FANCL: variants seen among roughly 807,000 people sequenced by gnomAD.
The protein encoded by FANCL is FA complementation group L.
A neutral mutation model predicts 59.4 loss-of-function variants in FANCL; 69 were observed. That is an observed-to-expected ratio of 1.16 (90% CI 0.96 to 1.42). FANCL has a LOEUF of 1.42. Among genes scored for constraint, FANCL ranks in the 40% most tolerant of loss-of-function variants. The pLI is 0.00. For missense variants in FANCL, 519 were observed against 447.2 expected (o/e 1.16, Z -1.45); for synonymous variants, 180 against 147.1 (o/e 1.22, Z -1.62).
At chr2:58,216,060 C>T (rs952395413) in intron 5 of FANCL, among the ~76,000 whole-genome samples, 1 of 152,032 alleles carries the variant, frequency 6.6e-6, no homozygotes, top group Admixed American at 6.6e-5. Context: ...AGAGCTTTGT[C>T]AAAAATGGAC....
At position 58,167,734 on chromosome 2, in the gene FANCL, C is replaced by A. The variant is rs75268528; in HGVS notation, c.541-1860G>T. On this transcript the variant is annotated intron_variant, in intron 7 of 13. Transcript: ENST00000233741. ...CCCTAAAAGCCATTATACGATTTTA[C>A]TAGCTAGCCATTTGAGGTAGATACA... Among the ~76,000 whole-genome samples, 84 of 152,266 alleles carry A rather than the reference C, an allele frequency of 5.5e-4. 1 individual carries two copies. In the East Asian group the frequency reaches 9.8e-3, roughly 18 times the overall value.
At chr2:58,214,634 C>A (rs560923151) in intron 5 of FANCL, among the ~76,000 whole-genome samples, 1 of 151,970 alleles carries the variant, frequency 6.6e-6, no homozygotes, top group African/African-American at 2.4e-5. Context: ...CTCAGCCTCC[C>A]GAGAAGCTAG....
intron 5 of FANCL, among the ~76,000 whole-genome samples, chr2:58,208,817 A>G (rs1419863421): frequency 6.6e-6 from 1 of 152,190 alleles, no homozygotes; most frequent in Non-Finnish European, 1.5e-5. Context: ...TAATCTTCCT[A>G]AATACATTTT....
chr2:58,217,489 GT>G (rs1339166156), intron 5 of FANCL, among the ~76,000 whole-genome samples: 2 of 151,418 alleles, frequency 1.3e-5, no homozygotes, highest in Non-Finnish European at 2.9e-5. Context: ...ATTAAAATCT[GT>G]TTTAAAAAAA....
intron 1 of FANCL, among the ~76,000 whole-genome samples, chr2:58,237,881 G>A (rs1694168216): frequency 6.6e-6 from 1 of 152,182 alleles, no homozygotes; most frequent in Admixed American, 6.5e-5. Context: ...TAAAGAGAAT[G>A]TGCATCTTTA....
chr2:58,203,523 A>C (rs955237222), intron 6 of FANCL, among the ~76,000 whole-genome samples: 1 of 152,050 alleles, frequency 6.6e-6, no homozygotes, highest in Non-Finnish European at 1.5e-5. Flanking sequence ...GTCCAAATTC[A>C]CAATTTAGAA....
At chr2:58,221,681 T>G (rs1251944723) in intron 5 of FANCL, among the ~76,000 whole-genome samples, 2 of 152,176 alleles carry the variant, frequency 1.3e-5, no homozygotes, top group African/African-American at 4.8e-5. Context: ...GTATGTTCAG[T>G]GAAAGTATCT....
At chr2:58,191,965 A>G (rs1302662977) in intron 7 of FANCL, among the ~76,000 whole-genome samples, 1 of 151,934 alleles carries the variant, frequency 6.6e-6, no homozygotes, top group East Asian at 1.9e-4. Context: ...ATGCACTGGT[A>G]AAGACAGAGC....
intron 3 of FANCL, among the ~76,000 whole-genome samples, chr2:58,227,774 C>G (rs1693170358): frequency 6.6e-6 from 1 of 152,178 alleles, no homozygotes; most frequent in South Asian, 2.1e-4. Context: ...TCAGTGGGCA[C>G]AGGCCCGGGG....
chr2:58,178,426 C>A (rs1687585455), intron 7 of FANCL, among the ~76,000 whole-genome samples: 1 of 152,130 alleles, frequency 6.6e-6, no homozygotes, highest in South Asian at 2.1e-4. Flanking sequence ...GCTGGTTCAA[C>A]ATAAGCAAAT....
chr2:58,205,717 T>TAAAACAGAAAAGAAGAGAG (rs1225384572), intron 5 of FANCL, among the ~76,000 whole-genome samples: 4 of 151,966 alleles, frequency 2.6e-5, no homozygotes, highest in Admixed American at 2.6e-4. Context: ...CACTGGCTGA[T>TAAAACAGAAAAGAAGAGAG]AAAACAGAAA....
intron 7 of FANCL, among the ~76,000 whole-genome samples, chr2:58,189,418 G>GT (rs1375065638): frequency 6.6e-6 from 1 of 151,998 alleles, no homozygotes; most frequent in Non-Finnish European, 1.5e-5. Flanking sequence ...AATCCTCACA[G>GT]TAAGGACAAA....
intron 3 of FANCL, among the ~76,000 whole-genome samples, chr2:58,227,456 G>C (rs72810393): frequency 0.062 from 9,449 of 152,230 alleles, 366 homozygotes; most frequent in African/African-American, 0.1. Context: ...AGACAGAAGG[G>C]AGACGGTTTT....
chr2:58,199,126 T>G (rs1263696968), intron 6 of FANCL, among the ~76,000 whole-genome samples: 2 of 152,104 alleles, frequency 1.3e-5, no homozygotes, highest in African/African-American at 4.8e-5. Flanking sequence ...TCCACTTTCA[T>G]AGTGATGTGA....
intron 1 of FANCL, among the ~76,000 whole-genome samples, chr2:58,233,836 G>A (rs1416719958): frequency 2.6e-5 from 4 of 151,978 alleles, no homozygotes; most frequent in Admixed American, 2.6e-4. Flanking sequence ...CCAGTCCTGG[G>A]AAAGAATGCT....
At chr2:58,227,222 T>C (rs949374406) in intron 3 of FANCL, among the ~76,000 whole-genome samples, 4 of 152,226 alleles carry the variant, frequency 2.6e-5, no homozygotes, top group African/African-American at 9.6e-5. Flanking sequence ...TTACAGCTAC[T>C]GAAAGCCCAG....
intron 7 of FANCL, among the ~76,000 whole-genome samples, chr2:58,198,329 T>C (rs1689647807): frequency 1.3e-5 from 2 of 152,092 alleles, no homozygotes; most frequent in Admixed American, 1.3e-4. Flanking sequence ...CAAAAATAAA[T>C]AAATAACATA....
chr2:58,185,517 A>G (rs1005981612), intron 7 of FANCL, among the ~76,000 whole-genome samples: 2 of 152,202 alleles, frequency 1.3e-5, no homozygotes, highest in African/African-American at 4.8e-5. Flanking sequence ...CGAACTTACA[A>G]AAAAACTAAA....
At chr2:58,173,292 C>G (rs1686877066) in intron 7 of FANCL, among the ~76,000 whole-genome samples, 1 of 152,120 alleles carries the variant, frequency 6.6e-6, no homozygotes. Context: ...GAGAATGCCA[C>G]AAAGATACTC....
Sources: gnomAD v4.1 joint callset for allele counts (sites outside exome capture counted in the v4.1 genomes callset) on GRCh38, gnomAD v4.1.1 for gene constraint, MANE v1.5 for transcripts, NCBI Gene and HGNC (gene_info 2026-07-23, HGNC 2026-07-21) for gene names.